The following PFKP variants were observed in gnomAD, a reference collection of about 807,000 sequenced individuals.
PFKP encodes the protein phosphofructokinase, platelet.
PFKP carries 101 observed loss-of-function variants against 94.3 expected under a neutral mutation model. That is an observed-to-expected ratio of 1.07 (90% confidence interval 0.91 to 1.26). PFKP has a LOEUF of 1.26. Among genes scored for constraint, PFKP ranks in the 50% most tolerant of loss-of-function variants. The pLI, the probability that PFKP is intolerant of heterozygous loss-of-function variation, is 0.00. For synonymous variants in PFKP, 573 were observed against 432.6 expected (o/e 1.32, Z -4.03); for missense variants, 1,145 against 1,103.3 (o/e 1.04, Z -0.53).
At chr10:3,109,771 C>G (rs1283756786) in intron 10 of PFKP, among the ~76,000 whole-genome samples, 2 of 152,102 alleles carry the variant, frequency 1.3e-5, no homozygotes, top group Non-Finnish European at 2.9e-5. Context: ...CCTCAACAGT[C>G]GAGGATCCAG....
At chr10:3,103,543 C>G in intron 4 of PFKP, among the ~76,000 whole-genome samples, 1 of 152,286 alleles carries the variant, frequency 6.6e-6, no homozygotes, top group South Asian at 2.1e-4. Flanking sequence ...GCAGAAGGAT[C>G]GCCTGAGCCC....
chr10:3,099,387 G>C, intron 3 of PFKP, 35 bp downstream of exon 3: 1 of 1,505,962 alleles, frequency 6.6e-7, no homozygotes, highest in East Asian at 2.3e-5. Flanking sequence ...GGTTCTCTGA[G>C]TTAGAGACTC....
chr10:3,119,762 G>GTGGTCGCCGTATCATTAAAAAAGTGCTC, intron 15 of PFKP, 130 bp from the exon 16 acceptor site: 1 of 664,010 alleles, frequency 1.5e-6, no homozygotes, highest in East Asian at 2.8e-5. Flanking sequence ...GTTGATCTCG[G>GTGGTCGCCGTATCATTAAAAAAGTGCTC]AGTGTTTTCG....
chr10:3,105,151 A>G lies in PFKP; in HGVS notation c.657A>G (p.Arg219=). The G allele has an allele frequency of 6.2e-7, 1 of 1,613,052 alleles. No individual in the cohort carries two copies. Among genetic ancestry groups the G allele is most frequent in the Non-Finnish European group, 8.5e-7 (1 of 1,179,694 alleles). The change falls in exon 6 of 22, where the codon CGA becomes CGG. Residue 219 remains arginine, a synonymous_variant. Transcript: ENST00000381125. The part of the protein sequence containing the change: ...QRTFVLEVMG[R]HCGYLALVSA... ...CCTTCGTTCTGGAGGTGATGGGACGACACTGTGGGTACGTACCTGCGGTGG... is the reference window on the plus strand; with the variant it reads ...CCTTCGTTCTGGAGGTGATGGGACGGCACTGTGGGTACGTACCTGCGGTGG...
intron 6 of PFKP, 48 bp from the exon 7 acceptor site, chr10:3,105,345 T>TG: frequency 6.6e-7 from 1 of 1,512,662 alleles, no homozygotes. Context: ...GCTGCCCTCG[T>TG]GGGAAGGATC....
At chr10:3,069,819 C>T (rs774899897) in intron 1 of PFKP, among the ~76,000 whole-genome samples, 2 of 152,144 alleles carry the variant, frequency 1.3e-5, no homozygotes, top group African/African-American at 2.4e-5. Context: ...CTAAAATGCG[C>T]GGGAGTTTGT....
chr10:3,089,877 A>C (rs574119955), intron 2 of PFKP, among the ~76,000 whole-genome samples: 1 of 151,864 alleles, frequency 6.6e-6, no homozygotes, highest in Non-Finnish European at 1.5e-5. Flanking sequence ...GCTTCCTTCT[A>C]CTTTTCCCAG....
chr10:3,126,909 G>C (rs184859808), intron 16 of PFKP, among the ~76,000 whole-genome samples: 10 of 152,368 alleles, frequency 6.6e-5, no homozygotes, highest in Non-Finnish European at 1.5e-4. Flanking sequence ...AGGGGGAACG[G>C]CTGAGGTCAC....
Position 3,113,101 on chromosome 10 carries a change from G to A in PFKP, c.1155-18G>A, listed in dbSNP as rs767288490. 7.5e-6 allele frequency: 12 copies of A among 1,609,906 alleles called. No homozygotes were observed. The highest frequency in any genetic ancestry group is 5.5e-5 in the South Asian group (5 of 90,324). ...CCGGTATTCTCGACTCCGGTCCAAC[G>A]ACACCCTTTTCCTTTAGGAGCTTTG... On this transcript the variant is annotated intron_variant, in intron 11 of 21. Coordinates refer to ENST00000381125, the MANE Select transcript of PFKP (RefSeq NM_002627.5).
Position 3,100,862 on chromosome 10 carries a change from C to CAAA in PFKP, c.265-485_265-483dup, listed in dbSNP as rs71294492. On this transcript the variant is annotated intron_variant, in intron 3 of 21. Coordinates refer to ENST00000381125, the MANE Select transcript of PFKP (RefSeq NM_002627.5). ...TAAAAGGGGCAGCGAGTATGTGGTG[C>CAAA]AAAAAAAAAAAAAAAAAAAATCCCC... is the stretch of plus-strand genomic sequence containing the variant. 2,374 of 655,448 alleles carry CAAA rather than the reference C, an allele frequency of 3.6e-3. 21 individuals are homozygous for CAAA. The highest frequency in any genetic ancestry group is 0.022 in the African/African-American group (914 of 40,656). The allele number at this position is 655,448 out of a possible 1,614,324, so 40.6% of individuals were successfully genotyped here. A position where few individuals can be genotyped will look rare whatever the true frequency, so the allele number is the denominator to read the frequency against.
chr10:3,127,049 GC>G (rs1838031049), intron 16 of PFKP, among the ~76,000 whole-genome samples: 1 of 152,270 alleles, frequency 6.6e-6, no homozygotes. Context: ...GGCAGGCAGG[GC>G]CGCGCTTGGG....
intron 15 of PFKP, 123 bp from the exon 16 acceptor site, chr10:3,119,766 GTTT>G: frequency 1.7e-6 from 1 of 593,722 alleles, no homozygotes; most frequent in Non-Finnish European, 2.7e-6. Context: ...ATCTCGGAGT[GTTT>G]TCGTGATGCC....
intron 1 of PFKP, among the ~76,000 whole-genome samples, chr10:3,071,013 A>G (rs1832140365): frequency 6.6e-6 from 1 of 152,046 alleles, no homozygotes; most frequent in African/African-American, 2.4e-5. Flanking sequence ...GGCCTCCCAA[A>G]GAGCTGGGAC....
rs200312900 is a variant in PFKP at position 3,125,231 on chromosome 10, C to G, written c.1684-4588C>G. The stretch of plus-strand genomic sequence containing the variant: ...AAATAAGCCTGGGCTCCGACACTGG[C>G]CTGAATGCTGTTGTTGAGGTAAGAG... On this transcript the variant is annotated intron_variant, in intron 16 of 21. Transcript: ENST00000381125. The G allele has an allele frequency of 2.4e-3, 3,218 of 1,328,932 alleles. 9 individuals are homozygous for G. The highest frequency in any genetic ancestry group is 6.8e-3 in the South Asian group (549 of 81,112). 82.3% of individuals were successfully genotyped at this position (1,328,932 alleles called of 1,614,324 possible). A position where few individuals can be genotyped will look rare whatever the true frequency, so the allele number is the denominator to read the frequency against.
intron 2 of PFKP, among the ~76,000 whole-genome samples, chr10:3,093,330 A>C (rs905453020): frequency 6.6e-6 from 1 of 152,040 alleles, no homozygotes; most frequent in African/African-American, 2.4e-5. Context: ...AAACATAACT[A>C]TTTCTGCCCA....
At chr10:3,135,901 C>A in intron 21 of PFKP, 63 bp downstream of exon 21, 2 of 960,404 alleles carry the variant, frequency 2.1e-6, no homozygotes, top group Non-Finnish European at 3.3e-6. Flanking sequence ...AGGGGAATGG[C>A]CATTGCTGTT....
At chr10:3,097,841 C>T (rs1834612947) in intron 2 of PFKP, among the ~76,000 whole-genome samples, 1 of 152,156 alleles carries the variant, frequency 6.6e-6, no homozygotes, top group Admixed American at 6.5e-5. Flanking sequence ...CCTGTCACTA[C>T]TTTAAAACAA....
At chr10:3,071,928 C>G (rs1832225820) in intron 1 of PFKP, among the ~76,000 whole-genome samples, 1 of 152,234 alleles carries the variant, frequency 6.6e-6, no homozygotes, top group Admixed American at 6.5e-5. Context: ...AGTTGCACCA[C>G]CTTCCCTGAG....
intron 10 of PFKP, among the ~76,000 whole-genome samples, chr10:3,111,934 T>A (rs534299668): frequency 9.0e-4 from 137 of 152,334 alleles, no homozygotes; most frequent in African/African-American, 3.2e-3. Context: ...CTTCACAGTG[T>A]TGTGTCCACA....
Sources: gnomAD v4.1 joint callset for allele counts (sites outside exome capture counted in the v4.1 genomes callset) on GRCh38, gnomAD v4.1.1 for gene constraint, MANE v1.5 for transcripts, NCBI Gene and HGNC (gene_info 2026-07-23, HGNC 2026-07-21) for gene names.